The following RPS6KC1 variants were observed in gnomAD, a reference collection of about 807,000 sequenced individuals.
RPS6KC1 encodes ribosomal protein S6 kinase C1, also known as inactive ribosomal protein S6 kinase delta-1.
In RPS6KC1, 54 loss-of-function variants were observed where a neutral mutation model predicts 103.8. The ratio of observed to expected loss-of-function variants is 0.52; its 90% CI spans 0.42 to 0.65. The LOEUF is 0.65. RPS6KC1 is among the 30% of genes least tolerant of loss of function. The pLI, the probability that RPS6KC1 is intolerant of heterozygous loss-of-function variation, is 0.00. For missense variants in RPS6KC1, 1,151 were observed against 1,253.8 expected (o/e 0.92, Z 1.24); for synonymous variants, 439 against 438.7 (o/e 1.00, Z -0.01).
chr1:213,211,255 A>G (rs1028549006), intron 8 of RPS6KC1, among the ~76,000 whole-genome samples: 1 of 152,276 alleles, frequency 6.6e-6, no homozygotes, highest in Non-Finnish European at 1.5e-5. Flanking sequence ...ATTGAATGGC[A>G]TGAGCCGAAC....
intron 8 of RPS6KC1, among the ~76,000 whole-genome samples, chr1:213,225,706 T>C (rs1038520320): frequency 5.3e-5 from 8 of 152,176 alleles, no homozygotes; most frequent in Admixed American, 3.3e-4. Flanking sequence ...CCTTTTTATC[T>C]GATCTGCTTC....
chr1:213,510,942 CTG>C, the RPS6KC1 span, among the ~76,000 whole-genome samples: 1 of 152,212 alleles, frequency 6.6e-6, no homozygotes, highest in Non-Finnish European at 1.5e-5. Flanking sequence ...GAGTACTTAA[CTG>C]TGTGCAAAGA....
the RPS6KC1 span, among the ~76,000 whole-genome samples, chr1:213,493,974 G>C: frequency 6.6e-6 from 1 of 151,894 alleles, no homozygotes; most frequent in Non-Finnish European, 1.5e-5. Flanking sequence ...GAACTTGTTA[G>C]AAATGCAAAA....
chr1:213,603,592 G>A, the RPS6KC1 span, among the ~76,000 whole-genome samples: 1 of 151,620 alleles, frequency 6.6e-6, no homozygotes, highest in Non-Finnish European at 1.5e-5. Flanking sequence ...AGGTGTAGTA[G>A]CTCACGCCTG....
intron 1 of RPS6KC1, among the ~76,000 whole-genome samples, chr1:213,052,085 C>G (rs1313760210): frequency 6.6e-6 from 1 of 152,076 alleles, no homozygotes; most frequent in African/African-American, 2.4e-5. Flanking sequence ...CTTGTGTGAG[C>G]TACCATGAGG....
intron 8 of RPS6KC1, among the ~76,000 whole-genome samples, chr1:213,195,313 C>T (rs1017595678): frequency 5.3e-5 from 8 of 152,124 alleles, no homozygotes; most frequent in African/African-American, 1.7e-4. Context: ...TAATAGTATA[C>T]TGTAGATACA....
intron 8 of RPS6KC1, among the ~76,000 whole-genome samples, chr1:213,216,037 T>C (rs1269405888): frequency 1.3e-5 from 2 of 152,156 alleles, no homozygotes; most frequent in Non-Finnish European, 2.9e-5. Context: ...AATATTAACC[T>C]TAAATGTAAA....
At chr1:213,157,921 A>G (rs1407762347) in intron 6 of RPS6KC1, among the ~76,000 whole-genome samples, 3 of 152,112 alleles carry the variant, frequency 2.0e-5, no homozygotes, top group Admixed American at 6.5e-5. Flanking sequence ...TAAAATGTCT[A>G]TTATTGTCTG....
intron 2 of RPS6KC1, chr1:213,073,010 T>C: frequency 1.9e-6 from 1 of 518,772 alleles, no homozygotes; most frequent in Non-Finnish European, 2.5e-6. Flanking sequence ...AGTTAGACAA[T>C]TGCATGGTTC....
chr1:213,602,096 CTTTCTTTCTT>C, the RPS6KC1 span, among the ~76,000 whole-genome samples: 24 of 31,986 alleles, frequency 7.5e-4, 2 homozygotes, highest in East Asian at 3.3e-3. Context: ...TTCTTTCTTT[CTTTCTTTCTT>C]TCTTTCTTTC....
the RPS6KC1 span, among the ~76,000 whole-genome samples, chr1:213,565,044 G>C: frequency 6.6e-6 from 1 of 152,174 alleles, no homozygotes; most frequent in African/African-American, 2.4e-5. Context: ...AACATTACTA[G>C]TCATGAAAAA....
the RPS6KC1 span, among the ~76,000 whole-genome samples, chr1:213,557,615 T>C: frequency 6.6e-6 from 1 of 152,212 alleles, no homozygotes; most frequent in Non-Finnish European, 1.5e-5. Flanking sequence ...ATACAAAATA[T>C]TTTATTTACT....
At chr1:213,083,840 A>G (rs2080131148) in intron 3 of RPS6KC1, among the ~76,000 whole-genome samples, 1 of 152,096 alleles carries the variant, frequency 6.6e-6, no homozygotes, top group Non-Finnish European at 1.5e-5. Context: ...TGCAGAAGGG[A>G]TGGTATATCA....
the RPS6KC1 span, among the ~76,000 whole-genome samples, chr1:213,469,860 G>T: frequency 2.6e-5 from 4 of 152,140 alleles, no homozygotes; most frequent in African/African-American, 9.7e-5. Flanking sequence ...CTACGAAAAA[G>T]CATTTAAAAA....
At chr1:213,270,687 C>T (rs560036230) in intron 14 of RPS6KC1, among the ~76,000 whole-genome samples, 73 of 152,028 alleles carry the variant, frequency 4.8e-4, no homozygotes, top group African/African-American at 1.7e-3. Flanking sequence ...AAAATATTTG[C>T]AAATCATGTA....
At chr1:213,737,642 A>G in the RPS6KC1 span, among the ~76,000 whole-genome samples, 1 of 152,206 alleles carries the variant, frequency 6.6e-6, no homozygotes, top group East Asian at 1.9e-4. Context: ...GGTGAAAAGT[A>G]CAAGGCAAGG....
the RPS6KC1 span, among the ~76,000 whole-genome samples, chr1:213,432,173 C>T: frequency 6.6e-6 from 1 of 152,194 alleles, no homozygotes; most frequent in South Asian, 2.1e-4. Context: ...AAGTCCTATG[C>T]ACACTGGTGT....
the RPS6KC1 span, among the ~76,000 whole-genome samples, chr1:213,651,427 C>T: frequency 6.6e-6 from 1 of 152,194 alleles, no homozygotes; most frequent in Non-Finnish European, 1.5e-5. Context: ...CTGTTTTAGG[C>T]AGCCTTGAAG....
chr1:213,547,258 G>A, the RPS6KC1 span, among the ~76,000 whole-genome samples: 4 of 152,128 alleles, frequency 2.6e-5, no homozygotes, highest in Non-Finnish European at 5.9e-5. Context: ...ATTTTTACAT[G>A]TGAGTCTGAC....
Sources: gnomAD v4.1 joint callset for allele counts (sites outside exome capture counted in the v4.1 genomes callset) on GRCh38, gnomAD v4.1.1 for gene constraint, MANE v1.5 for transcripts, NCBI Gene and HGNC (gene_info 2026-07-23, HGNC 2026-07-21) for gene names.